KLF12: variants seen among roughly 807,000 people sequenced by gnomAD.
The protein encoded by KLF12 is KLF transcription factor 12.
A neutral mutation model predicts 37.8 loss-of-function variants in KLF12; 9 were observed. The observed-to-expected ratio is 0.24, with a 90% CI of 0.14 to 0.42. KLF12 has a LOEUF of 0.42. KLF12 is among the 10% of genes least tolerant of loss of function. The pLI is 1.00. For missense variants in KLF12, 411 were observed against 516.0 expected (o/e 0.80, Z 1.97); for synonymous variants, 208 against 202.1 (o/e 1.03, Z -0.25).
intron 4 of KLF12, among the ~76,000 whole-genome samples, chr13:73,828,713 C>T (rs974566154): frequency 6.6e-6 from 1 of 152,188 alleles, no homozygotes; most frequent in Admixed American, 6.5e-5. Flanking sequence ...CTATGCTTCC[C>T]TGTAGAGTTC....
intron 1 of KLF12, among the ~76,000 whole-genome samples, chr13:74,112,395 T>TGTGTGC (rs1310448262): frequency 5.4e-4 from 63 of 117,400 alleles, no homozygotes; most frequent in African/African-American, 1.6e-3. Flanking sequence ...TGTCTGTGTG[T>TGTGTGC]GTGTGTGTGT....
rs567273726 is a variant in KLF12, at chr13:73,744,557, G to A, written c.869+20381C>T. Among the ~76,000 whole-genome samples, 3 of 151,904 alleles carry A rather than the reference G, an allele frequency of 2.0e-5. No homozygotes were observed. In the East Asian group the frequency reaches 5.8e-4, roughly 30 times the overall value. ...CTGGAGCCTGGGTCAGCTACCCAGG[G>A]GGTGGTCTAGTAATGGGGGGTTGTG... On this transcript the variant is annotated intron_variant, in intron 6 of 7. Transcript: ENST00000377669.
At chr13:74,251,007 C>T in the KLF12 span, among the ~76,000 whole-genome samples, 1 of 152,194 alleles carries the variant, frequency 6.6e-6, no homozygotes, top group East Asian at 1.9e-4. Context: ...GCCATGCCTG[C>T]TGCCTGTCCT....
chr13:74,020,441 A>G (rs1252446123), intron 1 of KLF12, among the ~76,000 whole-genome samples: 3 of 152,226 alleles, frequency 2.0e-5, no homozygotes, highest in African/African-American at 7.2e-5. Context: ...AGCTTGACAA[A>G]AGGCAATGAT....
chr13:74,174,679 G>A, the KLF12 span, among the ~76,000 whole-genome samples: 1 of 152,084 alleles, frequency 6.6e-6, no homozygotes, highest in East Asian at 1.9e-4. Flanking sequence ...TTAACTGATT[G>A]CTTTATAACC....
At chr13:74,297,541 GCTGTATTTTGCCCCCT>G in the KLF12 span, among the ~76,000 whole-genome samples, 1 of 152,324 alleles carries the variant, frequency 6.6e-6, no homozygotes, top group African/African-American at 2.4e-5. Context: ...ACTGTGGGCA[GCTGTATTTTGCCCCCT>G]GGGCTTTTGA....
At position 73,846,263 on chromosome 13, in the gene KLF12, T is replaced by G; in HGVS notation, c.234A>C (p.Gln78His). The G allele has an allele frequency of 6.2e-7, 1 of 1,614,070 alleles. No homozygotes were observed. Among genetic ancestry groups the G allele is most frequent in the Non-Finnish European group, 8.5e-7 (1 of 1,180,014 alleles). The change falls in exon 4 of 8, where the codon CAA becomes CAC. Residue 78 changes from glutamine (Q) to histidine (H), a missense_variant. By Grantham distance (24) the Gln-to-His change is conservative. Transcript: ENST00000377669. Reference sequence around the variant, plus strand: ...TTATTGACAAGTCCACTGGCTCAGTTTGTGTTTGGAAGTGATCTACAGATA... The same window carrying G: ...TTATTGACAAGTCCACTGGCTCAGTGTGTGTTTGGAAGTGATCTACAGATA...
At chr13:73,811,931 T>C (rs547678743) in intron 5 of KLF12, among the ~76,000 whole-genome samples, 10 of 152,332 alleles carry the variant, frequency 6.6e-5, no homozygotes, top group African/African-American at 2.4e-4. Flanking sequence ...CTCTCTTTTC[T>C]TTGTTTTTTA....
At chr13:74,268,416 C>G in the KLF12 span, among the ~76,000 whole-genome samples, 35 of 152,140 alleles carry the variant, frequency 2.3e-4, 1 homozygote, top group African/African-American at 8.4e-4. Flanking sequence ...CCTCTTAGCT[C>G]ATCAGATTAT....
intron 3 of KLF12, among the ~76,000 whole-genome samples, chr13:73,853,800 T>A (rs1885462806): frequency 6.6e-6 from 1 of 151,838 alleles, no homozygotes; most frequent in South Asian, 2.1e-4. Flanking sequence ...CAAACATTTT[T>A]AAACGGGAAC....
intron 3 of KLF12, among the ~76,000 whole-genome samples, chr13:73,938,459 C>A (rs1272398961): frequency 6.6e-6 from 1 of 152,162 alleles, no homozygotes; most frequent in Non-Finnish European, 1.5e-5. Flanking sequence ...CAAAAAAGCA[C>A]CCGTCTCCAA....
intron 1 of KLF12, among the ~76,000 whole-genome samples, chr13:74,130,874 AAAG>A (rs1878224262): frequency 6.6e-6 from 1 of 152,220 alleles, no homozygotes; most frequent in Non-Finnish European, 1.5e-5. Context: ...CTCACAATAT[AAAG>A]AAAACAAACC....
chr13:74,089,238 G>A (rs1243092322), intron 1 of KLF12, among the ~76,000 whole-genome samples: 4 of 152,122 alleles, frequency 2.6e-5, no homozygotes, highest in Non-Finnish European at 5.9e-5. Context: ...TACAAAAAAA[G>A]GTGGAGAATC....
intron 1 of KLF12, among the ~76,000 whole-genome samples, chr13:74,106,549 A>G (rs1454047553): frequency 6.6e-6 from 1 of 152,212 alleles, no homozygotes; most frequent in Non-Finnish European, 1.5e-5. Context: ...CTAAGCAATA[A>G]TGCTATTTTC....
intron 5 of KLF12, among the ~76,000 whole-genome samples, chr13:73,767,043 A>G (rs1879962738): frequency 6.6e-6 from 1 of 152,244 alleles, no homozygotes; most frequent in Admixed American, 6.5e-5. Flanking sequence ...TTAAAAAGGT[A>G]AATCAACAAA....
At chr13:74,195,745 C>A in the KLF12 span, among the ~76,000 whole-genome samples, 1 of 152,080 alleles carries the variant, frequency 6.6e-6, no homozygotes, top group African/African-American at 2.4e-5. Context: ...ATTATAGGCA[C>A]ACACCACTAT....
chr13:73,987,984 G>A (rs981153426), intron 2 of KLF12, among the ~76,000 whole-genome samples: 2 of 152,116 alleles, frequency 1.3e-5, no homozygotes, highest in African/African-American at 4.8e-5. Context: ...ACTTGTGTTT[G>A]TCATTTCAAA....
the KLF12 span, among the ~76,000 whole-genome samples, chr13:74,298,363 G>C: frequency 6.6e-6 from 1 of 152,184 alleles, no homozygotes; most frequent in Non-Finnish European, 1.5e-5. Context: ...GTCATCTGCT[G>C]TTCCCATGTT....
chr13:73,868,583 G>A (rs890140678), intron 3 of KLF12, among the ~76,000 whole-genome samples: 2 of 151,830 alleles, frequency 1.3e-5, no homozygotes, highest in East Asian at 2.0e-4. Flanking sequence ...TAGAGATGGG[G>A]TTTCACCATA....
Sources: allele counts gnomAD v4.1 joint callset (sites outside exome capture counted in the v4.1 genomes callset), GRCh38; gene constraint gnomAD v4.1.1; transcripts MANE v1.5; gene names NCBI Gene and HGNC (gene_info 2026-07-23, HGNC 2026-07-21).